Variants in AP3S1 observed in about 807,000 individuals in gnomAD.
AP3S1 encodes the protein adaptor related protein complex 3 subunit sigma 1.
A neutral mutation model predicts 21.3 loss-of-function variants in AP3S1; 12 were observed. That is an observed-to-expected ratio of 0.56 (90% CI 0.36 to 0.91). AP3S1 has a LOEUF of 0.91. AP3S1 is among the 40% of genes least tolerant of loss of function. The pLI is 0.01. For synonymous variants in AP3S1, 48 were observed against 78.4 expected (o/e 0.61, Z 2.05); for missense variants, 116 against 225.0 (o/e 0.52, Z 3.10).
At chr5:115,858,404 C>T (rs1179483782) in intron 1 of AP3S1, among the ~76,000 whole-genome samples, 2 of 152,084 alleles carry the variant, frequency 1.3e-5, no homozygotes, top group Non-Finnish European at 2.9e-5. Context: ...GATTACTTAC[C>T]TTTGATGTGT....
chr5:115,896,431 C>G (rs1750759038), intron 4 of AP3S1, among the ~76,000 whole-genome samples: 1 of 152,066 alleles, frequency 6.6e-6, no homozygotes, highest in Non-Finnish European at 1.5e-5. Context: ...AATGCTTTTT[C>G]ACACTTACAA....
chr5:115,845,590 T>A (rs1213295135), intron 1 of AP3S1, among the ~76,000 whole-genome samples: 1 of 152,074 alleles, frequency 6.6e-6, no homozygotes, highest in Non-Finnish European at 1.5e-5. Flanking sequence ...TCTCAGCACT[T>A]TGGGAGGCCA....
At chr5:115,902,477 ATAACCTAAT>A (rs1268524038) in intron 4 of AP3S1, among the ~76,000 whole-genome samples, 1 of 152,154 alleles carries the variant, frequency 6.6e-6, no homozygotes, top group East Asian at 1.9e-4. Flanking sequence ...GTGTAAAATA[ATAACCTAAT>A]TATTGTTGGC....
intron 3 of AP3S1, among the ~76,000 whole-genome samples, chr5:115,889,005 G>A (rs1031323489): frequency 1.3e-5 from 2 of 152,160 alleles, no homozygotes; most frequent in African/African-American, 4.8e-5. Flanking sequence ...TTGAAGGCAT[G>A]TATGTCTTCC....
chr5:115,872,670 T>C (rs1748372768), intron 3 of AP3S1, among the ~76,000 whole-genome samples: 1 of 152,160 alleles, frequency 6.6e-6, no homozygotes, highest in Non-Finnish European at 1.5e-5. Flanking sequence ...ACTGCTGAGT[T>C]ATGTTTTGCT....
intron 1 of AP3S1, 92 bp from the exon 2 acceptor site, chr5:115,866,578 G>A: frequency 1.2e-6 from 1 of 803,094 alleles, no homozygotes; most frequent in Admixed American, 3.3e-5. Flanking sequence ...GGATTTCCCA[G>A]ACAGATATTG....
intron 1 of AP3S1, among the ~76,000 whole-genome samples, chr5:115,862,353 T>A (rs1763261500): frequency 6.6e-6 from 1 of 152,198 alleles, no homozygotes; most frequent in South Asian, 2.1e-4. Flanking sequence ...GGAGATATGT[T>A]ATCAATGCAT....
chr5:115,880,321 C>G (rs904246495), intron 3 of AP3S1, among the ~76,000 whole-genome samples: 3 of 152,212 alleles, frequency 2.0e-5, no homozygotes, highest in Admixed American at 6.5e-5. Flanking sequence ...TTCCCGCTTT[C>G]TCCTGTGGAG....
chr5:115,848,749 T>C (rs530245549), intron 1 of AP3S1, among the ~76,000 whole-genome samples: 2 of 152,356 alleles, frequency 1.3e-5, no homozygotes, highest in Non-Finnish European at 2.9e-5. Flanking sequence ...TTCCAACTTC[T>C]TGTTGTATAA....
intron 5 of AP3S1, chr5:115,903,846 T>A (rs1173972354): frequency 6.6e-6 from 1 of 152,160 alleles, no homozygotes; most frequent in Non-Finnish European, 1.5e-5. Flanking sequence ...AGTAGTTTTA[T>A]CATTTGAGTT....
At chr5:115,856,642 CGTTGTT>C (rs1554065259) in intron 1 of AP3S1, among the ~76,000 whole-genome samples, 1 of 151,310 alleles carries the variant, frequency 6.6e-6, no homozygotes, top group Non-Finnish European at 1.5e-5. Flanking sequence ...GTTTTTAAAA[CGTTGTT>C]GTTGTTGTTT....
At chr5:115,847,330 T>C (rs894484364) in intron 1 of AP3S1, among the ~76,000 whole-genome samples, 1 of 152,156 alleles carries the variant, frequency 6.6e-6, no homozygotes, top group Admixed American at 6.5e-5. Flanking sequence ...AAATATTTAT[T>C]TTTATGGCCG....
intron 1 of AP3S1, among the ~76,000 whole-genome samples, chr5:115,847,756 C>T (rs1762165920): frequency 6.6e-6 from 1 of 152,156 alleles, no homozygotes; most frequent in African/African-American, 2.4e-5. Flanking sequence ...ATGTCTATCA[C>T]CACTATTCCC....
At chr5:115,842,958 T>A (rs1361553021) in intron 1 of AP3S1, among the ~76,000 whole-genome samples, 1 of 146,788 alleles carries the variant, frequency 6.8e-6, no homozygotes, top group Non-Finnish European at 1.5e-5. Context: ...TTTCTATTTA[T>A]GAAGAATAGT....
At chr5:115,856,718 C>G (rs912779048) in intron 1 of AP3S1, among the ~76,000 whole-genome samples, 2 of 152,206 alleles carry the variant, frequency 1.3e-5, no homozygotes, top group African/African-American at 4.8e-5. Context: ...AAGCAATCCT[C>G]CGGCCTCGGC....
intron 3 of AP3S1, among the ~76,000 whole-genome samples, chr5:115,875,366 G>T (rs1424275311): frequency 6.6e-6 from 1 of 152,140 alleles, no homozygotes; most frequent in Non-Finnish European, 1.5e-5. Context: ...ACTTCTGACC[G>T]ACTGAATATA....
intron 1 of AP3S1, among the ~76,000 whole-genome samples, chr5:115,845,189 A>G (rs1385486097): frequency 1.3e-5 from 2 of 152,222 alleles, no homozygotes; most frequent in Non-Finnish European, 2.9e-5. Flanking sequence ...AGTTTAATTT[A>G]TTAAACAATA....
At chr5:115,886,694 A>T (rs917837821) in intron 3 of AP3S1, among the ~76,000 whole-genome samples, 1 of 152,192 alleles carries the variant, frequency 6.6e-6, no homozygotes, top group Admixed American at 6.5e-5. Context: ...GAGAGTCAGC[A>T]TCCCAACCCC....
chr5:115,902,974 T>G lies in AP3S1; in HGVS notation c.435T>G (p.Asn145Lys). The change falls in exon 5 of 6, where the codon AAT becomes AAG. Residue 145 changes from asparagine to lysine, a missense_variant. Coordinates refer to ENST00000316788, the MANE Select transcript of AP3S1 (RefSeq NM_001284.4). ...TTGTTACACAAATTGATGCACAAAA[T>G]AAGCTGGAAAAATCTGAGGTAAGAA... ...NEIVTQIDAQ[N>K]KLEKSEAGLA... 1 of 1,613,772 alleles carries G rather than the reference T, an allele frequency of 6.2e-7. No individual in the cohort carries two copies. The highest frequency in any genetic ancestry group is 8.5e-7 in the Non-Finnish European group (1 of 1,179,822).
Sources: gnomAD v4.1 joint callset for allele counts (sites outside exome capture counted in the v4.1 genomes callset) on GRCh38, gnomAD v4.1.1 for gene constraint, MANE v1.5 for transcripts, NCBI Gene and HGNC (gene_info 2026-07-23, HGNC 2026-07-21) for gene names.